Variants in PKHD1L1 observed in about 807,000 individuals in gnomAD.
PKHD1L1 encodes PKHD1 like 1, also known as fibrocystin-L.
PKHD1L1 carries 434 observed loss-of-function variants against 462.9 expected under a neutral mutation model. That is an observed-to-expected ratio of 0.94 (90% CI 0.87 to 1.02). PKHD1L1 has a LOEUF of 1.02. Ranked by LOEUF, PKHD1L1 falls within the 50% of genes least tolerant of loss-of-function variation. PKHD1L1 has a pLI of 0.00. For synonymous variants in PKHD1L1, 1,781 were observed against 1,750.0 expected, an observed-to-expected ratio of 1.02 and a Z score of -0.44; for missense variants, 5,202 against 5,096.1, an observed-to-expected ratio of 1.02 and a Z score of -0.63.
chr8:109,459,886 C>A, intron 47 of PKHD1L1, 50 bp downstream of exon 47: 1 of 1,505,942 alleles, frequency 6.6e-7, no homozygotes, highest in Non-Finnish European at 8.9e-7. Context: ...TATAGTTTTA[C>A]AATTTAATTG....
At chr8:109,466,184 T>C (rs1437954150) in intron 49 of PKHD1L1, among the ~76,000 whole-genome samples, 1 of 152,208 alleles carries the variant, frequency 6.6e-6, no homozygotes, top group Non-Finnish European at 1.5e-5. Context: ...CTTTGTGTAA[T>C]GTTTATTGAT....
At chr8:109,366,283 A>C (rs375888004) in intron 2 of PKHD1L1, among the ~76,000 whole-genome samples, 32 of 152,320 alleles carry the variant, frequency 2.1e-4, no homozygotes, top group African/African-American at 7.0e-4. Context: ...TGTGTTTGGC[A>C]TTGCAGATAC....
At chr8:109,460,195 A>C (rs902950400) in intron 47 of PKHD1L1, among the ~76,000 whole-genome samples, 1 of 152,092 alleles carries the variant, frequency 6.6e-6, no homozygotes, top group Non-Finnish European at 1.5e-5. Flanking sequence ...GATTAGTTTT[A>C]ATATTGTCAG....
intron 5 of PKHD1L1, among the ~76,000 whole-genome samples, chr8:109,385,132 C>A (rs1307386512): frequency 6.6e-6 from 1 of 151,468 alleles, no homozygotes; most frequent in Non-Finnish European, 1.5e-5. Context: ...CCCTACTAAC[C>A]TAACTATATA....
intron 22 of PKHD1L1, 45 bp from the exon 23 acceptor site, chr8:109,420,473 C>G: frequency 7.7e-7 from 1 of 1,293,160 alleles, no homozygotes; most frequent in Non-Finnish European, 1.0e-6. Context: ...GCAAAAACCA[C>G]AGTTACTTTT....
Position 109,405,113 on chromosome 8 carries a change from A to C in PKHD1L1, c.1652A>C (p.Tyr551Ser). Residue 551 changes from tyrosine (Y) to serine (S), a missense_variant, in exon 16 of 78, where the codon TAT (tyrosine) becomes TCT (serine). By Grantham distance (144) the Tyr-to-Ser change is moderately radical. Coordinates refer to ENST00000378402, the MANE Select transcript of PKHD1L1 (RefSeq NM_177531.6). ...SCSLYQYRLI[Y>S]NMEKTVFLPA... ...TCACTTTACCAATATAGATTAATCT[A>C]TAATATGGAAAAAACTGGTAAGTTA... The C allele has an allele frequency of 6.7e-7, 1 of 1,481,892 alleles. No homozygotes were observed. The highest frequency in any genetic ancestry group is 9.2e-7 in the Non-Finnish European group (1 of 1,086,282). 91.8% of individuals were successfully genotyped at this position (1,481,892 alleles called of 1,614,324 possible). A position where few individuals can be genotyped will look rare whatever the true frequency, so the allele number is the denominator to read the frequency against.
At position 109,412,336 on chromosome 8, in the gene PKHD1L1, A is replaced by G; in HGVS notation, c.2157A>G (p.Pro719=). The G allele has an allele frequency of 6.2e-7, 1 of 1,613,830 alleles. No individual in the cohort carries two copies. Residue 719 remains proline (P), a synonymous_variant, in exon 20 of 78, where the codon CCA becomes CCG. Coordinates refer to ENST00000378402, the MANE Select transcript of PKHD1L1 (RefSeq NM_177531.6). ...GTGGTCGTTATTCCCTGAAAAACCC[A>G]GCTGTTCTTTTTGACTCAGCAGATG... is the stretch of plus-strand genomic sequence containing the variant. ...AYCGRYSLKN[P]AVLFDSADVK...
chr8:109,498,517 A>G lies in PKHD1L1; in HGVS notation c.10655A>G (p.Asn3552Ser). 1 of 1,613,852 alleles carries G rather than the reference A, an allele frequency of 6.2e-7. No individual in the cohort carries two copies. Among genetic ancestry groups the G allele is most frequent in the Non-Finnish European group, 8.5e-7 (1 of 1,179,726 alleles). ...PGFNCSDVLT[N>S]DDPNIELTAA... ...TTTAATTGCTCTGATGTCCTAACTA[A>G]TGATGATCCTAATATTGAACTCACT... The change falls in exon 66 of 78, where the codon AAT becomes AGT. Residue 3552 changes from asparagine to serine, a missense_variant. This residue lies in a region of PKHD1L1 where 4,497 missense variants were observed against 4,336.8 expected (regional missense o/e 1.04). Coordinates refer to ENST00000378402, the MANE Select transcript of PKHD1L1 (RefSeq NM_177531.6).
At chr8:109,489,009 T>C (rs1289242381) in intron 59 of PKHD1L1, among the ~76,000 whole-genome samples, 1 of 151,996 alleles carries the variant, frequency 6.6e-6, no homozygotes, top group Non-Finnish European at 1.5e-5. Flanking sequence ...CTCCTATAAA[T>C]TGTTTTGTGA....
intron 2 of PKHD1L1, among the ~76,000 whole-genome samples, chr8:109,366,521 C>G (rs146251247): frequency 1.3e-5 from 2 of 152,232 alleles, no homozygotes; most frequent in Non-Finnish European, 2.9e-5. Flanking sequence ...TCCTAGAGAT[C>G]TACTGTACAG....
intron 21 of PKHD1L1, among the ~76,000 whole-genome samples, chr8:109,415,627 C>T (rs1814109199): frequency 1.3e-5 from 2 of 151,910 alleles, no homozygotes; most frequent in South Asian, 4.2e-4. Context: ...TCCTGTGGAA[C>T]TGGAATGATC....
intron 2 of PKHD1L1, among the ~76,000 whole-genome samples, chr8:109,375,083 T>C (rs1238900052): frequency 6.6e-6 from 1 of 152,246 alleles, no homozygotes; most frequent in Non-Finnish European, 1.5e-5. Context: ...CTGGATAATA[T>C]CCTGCAGAGC....
At chr8:109,420,393 A>T in intron 22 of PKHD1L1, 125 bp from the exon 23 acceptor site, 1 of 550,196 alleles carries the variant, frequency 1.8e-6, no homozygotes, top group African/African-American at 2.0e-5. Flanking sequence ...TGTTGATATT[A>T]TTTGATGATT....
chr8:109,523,368 CT>C lies in PKHD1L1; in HGVS notation c.12468del (p.Thr4157LeufsTer21). 1 of 1,612,874 alleles carries C rather than the reference CT, an allele frequency of 6.2e-7. No homozygotes were observed. Among genetic ancestry groups the C allele is most frequent in the Non-Finnish European group, 8.5e-7 (1 of 1,179,198 alleles). On this transcript the variant is annotated frameshift_variant, in exon 76 of 78. Coordinates refer to ENST00000378402, the MANE Select transcript of PKHD1L1 (RefSeq NM_177531.6). LOFTEE classifies it high-confidence loss of function. ...FSSCWANYTD[L>X]TPLRTGKNYK... is the part of the protein sequence containing the mutation. ...CAGCTGTTGGGCCAACTACACAGAC[CT>C]TACTCCCCTTAGAACAGGTGGGTGC...
At chr8:109,432,364 C>G (rs1815158139) in intron 27 of PKHD1L1, among the ~76,000 whole-genome samples, 1 of 152,088 alleles carries the variant, frequency 6.6e-6, no homozygotes. Flanking sequence ...TCAAAGTCAT[C>G]AAGATATTTG....
chr8:109,413,373 A>G (rs768424132), intron 20 of PKHD1L1, 48 bp from the exon 21 acceptor site: 3 of 1,257,642 alleles, frequency 2.4e-6, no homozygotes, highest in African/African-American at 3.1e-5. Context: ...TTGTGAAACA[A>G]TGTAATGGTA....
intron 47 of PKHD1L1, among the ~76,000 whole-genome samples, chr8:109,460,685 A>T (rs540559308): frequency 4.6e-5 from 7 of 152,332 alleles, no homozygotes; most frequent in Admixed American, 2.0e-4. Flanking sequence ...GGCCTCAGTT[A>T]AGAAACACTG....
At chr8:109,429,900 T>C (rs1814995847) in intron 26 of PKHD1L1, 32 bp from the exon 27 acceptor site, 1 of 1,456,464 alleles carries the variant, frequency 6.9e-7, no homozygotes, top group Non-Finnish European at 9.6e-7. Context: ...TCTTTGCCCA[T>C]GTTCTGTAGC....
Position 109,438,324 on chromosome 8 carries a change from A to G in PKHD1L1, c.3628A>G (p.Lys1210Glu). ...TCTAATTTTTTTCCTCTTATTTTAGAAAACTGAGGGTACAGTTGATATTTC... is the reference window on the plus strand; with the variant it reads ...TCTAATTTTTTTCCTCTTATTTTAGGAAACTGAGGGTACAGTTGATATTTC... ...LNRITCRTPK[K>E]TEGTVDISVT... is the part of the protein sequence containing the mutation. The change falls in exon 31 of 78, where the codon AAA becomes GAA. Residue 1210 changes from lysine (K) to glutamate (E), a missense_variant and splice_region_variant. Lys to Glu is a moderately conservative substitution (Grantham distance 56, BLOSUM62 1). Coordinates refer to ENST00000378402, the MANE Select transcript of PKHD1L1 (RefSeq NM_177531.6). The G allele has an allele frequency of 6.8e-7, 1 of 1,480,208 alleles. No individual in the cohort carries two copies. Among genetic ancestry groups the G allele is most frequent in the Non-Finnish European group, 9.0e-7 (1 of 1,108,814 alleles). The allele number at this position is 1,480,208 out of a possible 1,614,324, so 91.7% of individuals were successfully genotyped here.
Sources: allele counts gnomAD v4.1 joint callset (sites outside exome capture counted in the v4.1 genomes callset), GRCh38; gene constraint gnomAD v4.1.1; regional missense constraint gnomAD v4.1.1; transcripts MANE v1.5; gene names NCBI Gene and HGNC (gene_info 2026-07-23, HGNC 2026-07-21).